SPAG5: variants seen among roughly 807,000 people sequenced by gnomAD.
SPAG5 encodes sperm associated antigen 5, also known as sperm-associated antigen 5.
A neutral mutation model predicts 145.4 loss-of-function variants in SPAG5; 99 were observed. The ratio of observed to expected loss-of-function variants is 0.68; its 90% CI spans 0.58 to 0.80. The LOEUF is 0.80. SPAG5 is among the 30% of genes least tolerant of loss of function. SPAG5 has a pLI of 0.00. For missense variants in SPAG5, 1,192 were observed against 1,416.0 expected (o/e 0.84, Z 2.54); for synonymous variants, 477 against 525.4 (o/e 0.91, Z 1.26).
rs766911141 is a variant in SPAG5 at position 28,583,981 on chromosome 17, T to G, written c.2418A>C (p.Ala806=). The G allele has an allele frequency of 6.2e-7, 1 of 1,614,146 alleles. No homozygotes were observed. Among genetic ancestry groups the G allele is most frequent in the Admixed American group, 1.7e-5 (1 of 60,032 alleles). ...VRDLKETLEF[A]DQENQVAHLE... ...GGTGAGCAACCTGATTCTCCTGGTC[T>G]GCAAACTGGGAAGACAAGAGAAGGA... The change falls in exon 14 of 24, where the codon GCA becomes GCC. Residue 806 remains alanine (A), a synonymous_variant. Coordinates refer to ENST00000321765, the MANE Select transcript of SPAG5 (RefSeq NM_006461.4).
intron 15 of SPAG5, 83 bp downstream of exon 15, chr17:28,583,428 A>G: frequency 7.0e-7 from 1 of 1,427,492 alleles, no homozygotes; most frequent in Admixed American, 2.4e-5. Context: ...GGTCACAGTT[A>G]GAAAAAGAGT....
rs774112627 is a variant in SPAG5 at position 28,579,849 on chromosome 17, A to G, written c.2798-12T>C. ...AGTTGATTCTGGCTCTAAGAGAAAA[A>G]CCAATAATGGGAGAGGGCCCCTCTG... On this transcript the variant is annotated splice_polypyrimidine_tract_variant and intron_variant, in intron 16 of 23. Coordinates refer to ENST00000321765, the MANE Select transcript of SPAG5 (RefSeq NM_006461.4). 9 of 1,613,022 alleles carry G rather than the reference A, an allele frequency of 5.6e-6. No individual in the cohort carries two copies. The highest frequency in any genetic ancestry group is 5.9e-6 in the Non-Finnish European group (7 of 1,178,972).
intron 2 of SPAG5, among the ~76,000 whole-genome samples, chr17:28,598,309 A>G (rs2070682772): frequency 6.6e-6 from 1 of 152,210 alleles, no homozygotes; most frequent in Non-Finnish European, 1.5e-5. Flanking sequence ...ACTAACAGCT[A>G]AACAGAGATT....
chr17:28,589,878 C>CT (rs1201495153), intron 4 of SPAG5, among the ~76,000 whole-genome samples: 19 of 152,162 alleles, frequency 1.2e-4, no homozygotes, highest in African/African-American at 4.3e-4. Context: ...CAACATGGTA[C>CT]TCTAGCCTGG....
In SPAG5 at chr17:28,598,937, C is replaced by G; in HGVS notation, c.10G>C (p.Val4Leu). 5 of 1,614,126 alleles carry G rather than the reference C, an allele frequency of 3.1e-6. No individual in the cohort carries two copies. The highest frequency in any genetic ancestry group is 4.2e-6 in the Non-Finnish European group (5 of 1,180,010). The change falls in exon 1 of 24, where the codon GTG becomes CTG. Residue 4 changes from valine to leucine, a missense_variant. Val to Leu is a conservative substitution (Grantham distance 32, BLOSUM62 1). Around this residue, in one of 5 missense-constraint regions of SPAG5, gnomAD observed 329 missense variants for 354.0 expected, o/e 0.93. Transcript: ENST00000321765. MWR[V>L]KKLSLSLSPS... ...GACAGGCTGAGGCTCAGTTTTTTCA[C>G]TCGCCACATCTTCAACCAGAAGGCA...
At chr17:28,580,510 T>C (rs2070543190) in intron 15 of SPAG5, 1 of 153,158 alleles carries the variant, frequency 6.5e-6, no homozygotes, top group Non-Finnish European at 1.5e-5. Context: ...TCATTCCACC[T>C]AAATTCTTGT....
intron 17 of SPAG5, 127 bp downstream of exon 17, chr17:28,579,624 G>T: frequency 7.2e-7 from 1 of 1,390,180 alleles, no homozygotes; most frequent in Non-Finnish European, 1.0e-6. Context: ...ATCCCAGAAG[G>T]CAGAAATAAA....
At chr17:28,590,694 C>T (rs936268367) in intron 4 of SPAG5, among the ~76,000 whole-genome samples, 1 of 151,818 alleles carries the variant, frequency 6.6e-6, no homozygotes, top group Non-Finnish European at 1.5e-5. Context: ...CATAGTGAAA[C>T]CCTGTCTCTA....
chr17:28,598,743 C>T, intron 1 of SPAG5, 108 bp from the exon 2 acceptor site: 2 of 1,523,160 alleles, frequency 1.3e-6, no homozygotes, highest in East Asian at 2.3e-5. Flanking sequence ...AGAGTACGCT[C>T]GCACCCTAGT....
chr17:28,585,796 T>C (rs2070581113), intron 7 of SPAG5, 68 bp downstream of exon 7: 2 of 1,612,186 alleles, frequency 1.2e-6, no homozygotes, highest in Admixed American at 1.7e-5. Context: ...CTAAAGTGCA[T>C]TTGTGTTCCT....
intron 22 of SPAG5, 61 bp from the exon 23 acceptor site, chr17:28,578,151 G>T (rs2070519688): frequency 6.2e-7 from 1 of 1,609,026 alleles, no homozygotes; most frequent in Non-Finnish European, 8.5e-7. Flanking sequence ...GTAGGACAGG[G>T]GAAACATGGC....
At chr17:28,589,754 AC>A (rs895853874) in intron 4 of SPAG5, among the ~76,000 whole-genome samples, 9 of 152,222 alleles carry the variant, frequency 5.9e-5, no homozygotes, top group Admixed American at 3.3e-4. Context: ...TACTAAAAAT[AC>A]AAAAAAATTA....
At chr17:28,594,580 G>A (rs2070646952) in intron 2 of SPAG5, among the ~76,000 whole-genome samples, 1 of 152,086 alleles carries the variant, frequency 6.6e-6, no homozygotes, top group South Asian at 2.1e-4. Context: ...GGGCAACAGA[G>A]CGAGACTCCG....
chr17:28,592,191 A>G lies in SPAG5; in HGVS notation c.1053T>C (p.Asn351=). 2 of 1,614,126 alleles carry G rather than the reference A, an allele frequency of 1.2e-6. No homozygotes were observed. Among genetic ancestry groups the G allele is most frequent in the African/African-American group, 1.3e-5 (1 of 75,030 alleles). The change falls in exon 3 of 24, where the codon AAT becomes AAC. Residue 351 remains asparagine (N), a synonymous_variant. Transcript: ENST00000321765. ...SPLAWLEKGV[N]TSVMLENLRQ... Reference sequence around the variant, plus strand: ...GGAGATTTTCCAGCATGACGGAGGTATTTACACCTTTTTCCAGCCAGGCCA... The same window carrying G: ...GGAGATTTTCCAGCATGACGGAGGTGTTTACACCTTTTTCCAGCCAGGCCA...
At position 28,583,758 on chromosome 17, in the gene SPAG5, C is replaced by T; in HGVS notation, c.2546+95G>A. The T allele has an allele frequency of 1.9e-6, 3 of 1,546,580 alleles. No individual in the cohort carries two copies. The South Asian group carries it at 3.7e-5, about 19-fold the overall frequency. ...AAGGAGAGAAACAAGAGGCTCAACA[C>T]TCACAGTTCTCTTCTTGGAGATTTT... On this transcript the variant is annotated intron_variant, in intron 14 of 23. Transcript: ENST00000321765.
rs997205564 is a variant in SPAG5 at position 28,578,217 on chromosome 17, C to T, written c.3429+1G>A. 2.5e-6 allele frequency: 4 copies of T among 1,614,062 alleles called. No individual in the cohort carries two copies. Among genetic ancestry groups the T allele is most frequent in the African/African-American group, 1.3e-5 (1 of 74,938 alleles). Reference sequence around the variant, plus strand: ...CCCTGGAATGGCATGGACATTCTTACATGGCTCTGGAACTTGATCATGAGT... The same window carrying T: ...CCCTGGAATGGCATGGACATTCTTATATGGCTCTGGAACTTGATCATGAGT... On this transcript the variant is annotated splice_donor_variant, in intron 22 of 23. Transcript: ENST00000321765. LOFTEE classifies it high-confidence loss of function.
At chr17:28,590,880 A>C (rs930674375) in intron 4 of SPAG5, among the ~76,000 whole-genome samples, 3 of 150,684 alleles carry the variant, frequency 2.0e-5, no homozygotes, top group Non-Finnish European at 3.0e-5. Context: ...AAAAAAAAAA[A>C]AAAAAAAAAA....
intron 21 of SPAG5, 26 bp from the exon 22 acceptor site, chr17:28,578,318 G>A (rs1449978342): frequency 1.9e-6 from 3 of 1,613,782 alleles, no homozygotes; most frequent in East Asian, 2.2e-5. Context: ...GATCAACAGG[G>A]GTACAGCCTG....
chr17:28,587,386 A>C (rs1400739393), intron 4 of SPAG5, among the ~76,000 whole-genome samples: 1 of 151,852 alleles, frequency 6.6e-6, no homozygotes, highest in Non-Finnish European at 1.5e-5. Context: ...ATGTCTACTA[A>C]AACTACAAAA....
Sources: gnomAD v4.1 joint callset for allele counts (sites outside exome capture counted in the v4.1 genomes callset) on GRCh38, gnomAD v4.1.1 for gene constraint, gnomAD v4.1.1 regional missense constraint, MANE v1.5 for transcripts, NCBI Gene and HGNC (gene_info 2026-07-23, HGNC 2026-07-21) for gene names.